Variants in SWT1 observed in about 807,000 individuals in gnomAD.
The protein encoded by SWT1 is transcriptional protein SWT1.
SWT1 carries 33 observed loss-of-function variants against 107.3 expected under a neutral mutation model. That is an observed-to-expected ratio of 0.31 (90% CI 0.23 to 0.41). The LOEUF (loss-of-function observed/expected upper bound fraction) is 0.41, where lower values mean the gene tolerates loss of function less well. SWT1 is among the 10% of genes least tolerant of loss of function. The pLI, the probability that SWT1 is intolerant of heterozygous loss-of-function variation, is 1.00. For synonymous variants in SWT1, 345 were observed against 348.3 expected, an observed-to-expected ratio of 0.99 and a Z score of 0.11; for missense variants, 898 against 1,028.9, an observed-to-expected ratio of 0.87 and a Z score of 1.74.
chr1:185,169,568 T>A (rs985843820), intron 4 of SWT1, among the ~76,000 whole-genome samples: 3 of 152,102 alleles, frequency 2.0e-5, no homozygotes, highest in African/African-American at 7.2e-5. Context: ...GTTCCATGAT[T>A]TGAATACATA....
At position 185,160,920 on chromosome 1, in the gene SWT1, G is replaced by C. The variant is rs755746326; in HGVS notation, c.79G>C (p.Glu27Gln). Residue 27 changes from glutamate to glutamine, a missense_variant, in exon 2 of 19, where the codon GAA becomes CAA. This residue lies in a region of SWT1 where 382 missense variants were observed against 362.4 expected (regional missense o/e 1.05). Transcript: ENST00000367500. Reference sequence around the variant, plus strand: ...CACCACCTCATCACCCAATTTTGGTGAAAAAGTAAGAATTTTGATTTACTG... The same window carrying C: ...CACCACCTCATCACCCAATTTTGGTCAAAAAGTAAGAATTTTGATTTACTG... ...DTTTSSPNFG[E>Q]KDKKERKTPA... 4.4e-6 allele frequency: 7 copies of C among 1,608,966 alleles called. No homozygotes were observed. In the Admixed American group the frequency reaches 1.2e-4, roughly 27 times the overall value.
At position 185,166,593 on chromosome 1, in the gene SWT1, C is replaced by T; in HGVS notation, c.106C>T (p.Pro36Ser). Reference protein sequence around the residue: ...GEKDKKERKTPASSTSSSSIR... With the variant: ...GEKDKKERKTSASSTSSSSIR... ...TTAGGACAAGAAAGAGAGAAAAACC[C>T]CAGCAAGTTCTACTAGTTCATCTTC... The change falls in exon 3 of 19, where the codon CCA becomes TCA. Residue 36 changes from proline (P) to serine (S), a missense_variant. Coordinates refer to ENST00000367500, the MANE Select transcript of SWT1 (RefSeq NM_017673.7). The T allele has an allele frequency of 6.2e-7, 1 of 1,604,500 alleles. No homozygotes were observed. The highest frequency in any genetic ancestry group is 8.5e-7 in the Non-Finnish European group (1 of 1,174,008).
rs1298908990 is a variant in SWT1 at position 185,180,566 on chromosome 1, C to A, written c.1026+116C>A. The A allele has an allele frequency of 5.4e-6, 4 of 738,036 alleles. No individual in the cohort carries two copies. In the South Asian group the frequency reaches 6.6e-5, roughly 12 times the overall value. The allele number at this position is 738,036 out of a possible 1,614,324, so 45.7% of individuals were successfully genotyped here. On this transcript the variant is annotated intron_variant, in intron 6 of 18. Transcript: ENST00000367500. ...TAATATGAAAATAACAATGATGTCT[C>A]TATTTAAATCAATATGTAAGGTTTT...
intron 14 of SWT1, among the ~76,000 whole-genome samples, chr1:185,218,577 C>G (rs914139081): frequency 6.6e-6 from 1 of 152,138 alleles, no homozygotes; most frequent in Non-Finnish European, 1.5e-5. Context: ...TCCTAAAGTG[C>G]TAGGATTACA....
chr1:185,182,668 CAAAAAAAAAA>C (rs59326029), intron 7 of SWT1, among the ~76,000 whole-genome samples: 2 of 67,022 alleles, frequency 3.0e-5, no homozygotes, highest in African/African-American at 5.6e-5. Context: ...CTCTCTCTCT[CAAAAAAAAAA>C]AAAAAAAAAA....
chr1:185,160,370 G>A (rs145766563), intron 1 of SWT1, among the ~76,000 whole-genome samples: 164 of 152,242 alleles, frequency 1.1e-3, no homozygotes, highest in South Asian at 2.9e-3. Flanking sequence ...GTGAAGAAAA[G>A]TGGAATAATG....
intron 18 of SWT1, among the ~76,000 whole-genome samples, chr1:185,287,028 A>G (rs1000002322): frequency 1.3e-5 from 2 of 152,182 alleles, no homozygotes; most frequent in Admixed American, 1.3e-4. Context: ...TGACGTACAC[A>G]TTGCAAATGT....
chr1:185,201,940 T>G (rs1657915379), intron 10 of SWT1, among the ~76,000 whole-genome samples: 1 of 151,482 alleles, frequency 6.6e-6, no homozygotes, highest in African/African-American at 2.5e-5. Context: ...TTCAAATAGT[T>G]AATATATTTT....
intron 4 of SWT1, chr1:185,171,491 G>T: frequency 3.3e-6 from 1 of 299,446 alleles, no homozygotes; most frequent in South Asian, 2.9e-5. Context: ...GAGGCATCTC[G>T]GAAGTCATGG....
intron 14 of SWT1, among the ~76,000 whole-genome samples, chr1:185,217,572 CTTCCCTCCCTCCCTCT>C (rs560363220): frequency 6.7e-4 from 101 of 151,522 alleles, no homozygotes; most frequent in South Asian, 5.4e-3. Flanking sequence ...TTGTATATTC[CTTCCCTCCCTCCCTCT>C]TTCCCTCCCT....
intron 16 of SWT1, among the ~76,000 whole-genome samples, chr1:185,251,800 T>TA (rs1558075519): frequency 8.0e-5 from 12 of 150,226 alleles, no homozygotes; most frequent in Non-Finnish European, 1.6e-4. Context: ...ATATATATAT[T>TA]TTTTTTATTA....
intron 18 of SWT1, among the ~76,000 whole-genome samples, chr1:185,279,118 A>G (rs1038768002): frequency 1.3e-5 from 2 of 152,224 alleles, no homozygotes; most frequent in Non-Finnish European, 2.9e-5. Flanking sequence ...TCTTGCCCTA[A>G]TCTTCAGATT....
intron 10 of SWT1, among the ~76,000 whole-genome samples, chr1:185,197,227 G>T (rs565389067): frequency 6.6e-6 from 1 of 152,132 alleles, no homozygotes; most frequent in African/African-American, 2.4e-5. Context: ...TAATCATGTG[G>T]TTTTTGTCAT....
At chr1:185,236,947 A>G (rs1317189919) in intron 16 of SWT1, among the ~76,000 whole-genome samples, 1 of 152,220 alleles carries the variant, frequency 6.6e-6, no homozygotes, top group African/African-American at 2.4e-5. Flanking sequence ...GCAGCCAACA[A>G]ACATGAAAAA....
In SWT1 at chr1:185,184,315, T is replaced by C. The variant is rs751408441; in HGVS notation, c.1211T>C (p.Val404Ala). ...TNILMNHLKF[V>A]RILKTTEVPG... ...ATTCTGATGAATCATCTCAAATTTG[T>C]TAGAATTTTGAAGACAACAGAAGTA... Residue 404 changes from valine to alanine, a missense_variant, in exon 8 of 19, where the codon GTT (valine) becomes GCT (alanine). This residue lies in a region of SWT1 where 94 missense variants were observed against 114.5 expected (regional missense o/e 0.82). Transcript: ENST00000367500. 6.4e-7 allele frequency: 1 copy of C among 1,571,718 alleles called. No homozygotes were observed. Among genetic ancestry groups the C allele is most frequent in the Admixed American group, 1.8e-5 (1 of 55,654 alleles).
intron 4 of SWT1, among the ~76,000 whole-genome samples, chr1:185,172,694 C>T (rs1200168833): frequency 1.3e-5 from 2 of 151,884 alleles, no homozygotes; most frequent in Admixed American, 6.6e-5. Flanking sequence ...TGAGAGTGTC[C>T]ATTTTACAAC....
At chr1:185,184,657 T>C in intron 8 of SWT1, 86 bp from the exon 9 acceptor site, 1 of 975,356 alleles carries the variant, frequency 1.0e-6, no homozygotes, top group Non-Finnish European at 1.5e-6. Context: ...ACTGTGTGCT[T>C]TAAAACTTTT....
intron 6 of SWT1, among the ~76,000 whole-genome samples, chr1:185,180,796 T>A (rs1300449565): frequency 6.6e-6 from 1 of 152,204 alleles, no homozygotes; most frequent in Non-Finnish European, 1.5e-5. Context: ...TACTTCATTT[T>A]AAAAATCATC....
At chr1:185,176,180 C>G (rs530247895) in intron 5 of SWT1, among the ~76,000 whole-genome samples, 3 of 143,824 alleles carry the variant, frequency 2.1e-5, no homozygotes, top group African/African-American at 7.8e-5. Flanking sequence ...CCCAGCTATT[C>G]AGGTGACTGA....
Sources: gnomAD v4.1 joint callset for allele counts (sites outside exome capture counted in the v4.1 genomes callset) on GRCh38, gnomAD v4.1.1 for gene constraint, gnomAD v4.1.1 regional missense constraint, MANE v1.5 for transcripts, NCBI Gene and HGNC (gene_info 2026-07-23, HGNC 2026-07-21) for gene names.